ELL: variants seen among roughly 807,000 people sequenced by gnomAD.
ELL encodes the protein RNA polymerase II elongation factor ELL.
ELL carries 18 observed loss-of-function variants against 64.0 expected under a neutral mutation model. That is an observed-to-expected ratio of 0.28 (90% CI 0.19 to 0.42). ELL has a LOEUF of 0.42. Ranked by LOEUF, ELL falls within the 10% of genes least tolerant of loss-of-function variation. The probability of loss-of-function intolerance (pLI) is 1.00; values close to 1 mark genes in which losing one functional copy is unlikely to be tolerated. For missense variants in ELL, 797 were observed against 870.4 expected (o/e 0.92, Z 1.06); for synonymous variants, 399 against 376.2 (o/e 1.06, Z -0.70).
intron 1 of ELL, among the ~76,000 whole-genome samples, chr19:18,509,699 A>T (rs768639358): frequency 1.5e-4 from 23 of 150,334 alleles, no homozygotes; most frequent in Non-Finnish European, 3.2e-4. Context: ...TCCTGGAAGT[A>T]GGTGGATTCC....
At position 18,458,290 on chromosome 19, in the gene ELL, G is replaced by T; in HGVS notation, c.784C>A (p.Gln262Lys). 1 of 1,613,456 alleles carries T rather than the reference G, an allele frequency of 6.2e-7. No individual in the cohort carries two copies. The change falls in exon 6 of 12, where the codon CAG becomes AAG. Residue 262 changes from glutamine (Q) to lysine (K), a missense_variant. By Grantham distance (53) the Gln-to-Lys change is moderately conservative. Transcript: ENST00000262809. ...MSAKDGTCTLQDCMYKDVQKD... is the reference protein window; with the variant it reads ...MSAKDGTCTLKDCMYKDVQKD... ...TGCACATCCTTGTACATGCAGTCCT[G>T]CAGTGTACACGTGCCGTCCTTAGCA...
Position 18,444,568 on chromosome 19 carries a change from G to T in ELL, c.*184C>A. 1 of 589,612 alleles carries T rather than the reference G, an allele frequency of 1.7e-6. No homozygotes were observed. The highest frequency in any genetic ancestry group is 2.9e-6 in the Non-Finnish European group (1 of 340,926). The allele number at this position is 589,612 out of a possible 1,614,324, so 36.5% of individuals were successfully genotyped here. On this transcript the variant is annotated 3_prime_UTR_variant, in exon 12 of 12. Transcript: ENST00000262809. The stretch of plus-strand genomic sequence containing the variant: ...CATAAGCAGGGACTGCTCAGGAAGC[G>T]CAGGGAGGGCCGAGGTGGGCTTGCA...
At chr19:18,457,773 C>T (rs1197268587) in intron 6 of ELL, among the ~76,000 whole-genome samples, 1 of 152,192 alleles carries the variant, frequency 6.6e-6, no homozygotes, top group Non-Finnish European at 1.5e-5. Context: ...TGACGCCTGC[C>T]CTGCCGGGAG....
At chr19:18,466,507 C>G (rs1285527502) in intron 2 of ELL, among the ~76,000 whole-genome samples, 1 of 152,214 alleles carries the variant, frequency 6.6e-6, no homozygotes, top group Non-Finnish European at 1.5e-5. Context: ...CCCCAACAAG[C>G]CTGTCATGGG....
intron 5 of ELL, among the ~76,000 whole-genome samples, chr19:18,460,669 G>C (rs1042036791): frequency 6.6e-6 from 1 of 152,250 alleles, no homozygotes; most frequent in African/African-American, 2.4e-5. Context: ...AAACATGGAA[G>C]AACGTCCTTT....
chr19:18,509,579 A>ATGTGCGCGCG (rs1555739199), intron 1 of ELL, among the ~76,000 whole-genome samples: 3 of 132,496 alleles, frequency 2.3e-5, no homozygotes, highest in African/African-American at 9.0e-5. Flanking sequence ...AGGCCAATGC[A>ATGTGCGCGCG]CGTGCGCGCG....
chr19:18,509,582 T>TGTGCGCGCGCGCGC (rs1555739214), intron 1 of ELL, among the ~76,000 whole-genome samples: 40 of 95,548 alleles, frequency 4.2e-4, no homozygotes, highest in African/African-American at 1.7e-3. Context: ...CCAATGCACG[T>TGTGCGCGCGCGCGC]GCGCGCGCGC....
chr19:18,443,023 C>T lies in ELL; in HGVS notation c.*1729G>A, dbSNP rs1974326905. 4.3e-6 allele frequency: 1 copy of T among 232,260 alleles called. No individual in the cohort carries two copies. Among genetic ancestry groups the T allele is most frequent in the African/African-American group, 2.2e-5 (1 of 45,270 alleles). The allele number at this position is 232,260 out of a possible 1,614,324, so 14.4% of individuals were successfully genotyped here. A position where few individuals can be genotyped will look rare whatever the true frequency, so the allele number is the denominator to read the frequency against. On this transcript the variant is annotated 3_prime_UTR_variant, in exon 12 of 12. Transcript: ENST00000262809. ...AAAAACAACAACAACAACAAAAAGG[C>T]AAATTCAACTGACAGCCCCTTGGAC...
chr19:18,467,043 C>T (rs528769768), intron 2 of ELL, among the ~76,000 whole-genome samples: 20 of 152,308 alleles, frequency 1.3e-4, no homozygotes, highest in East Asian at 1.9e-4. Flanking sequence ...CACCAATCCC[C>T]GGCCCTGCTG....
intron 2 of ELL, among the ~76,000 whole-genome samples, chr19:18,470,018 A>G (rs1975031161): frequency 6.6e-6 from 1 of 152,242 alleles, no homozygotes; most frequent in Non-Finnish European, 1.5e-5. Flanking sequence ...CTAACAGCCC[A>G]CTAAAGTGAA....
chr19:18,494,591 G>A (rs1257449190), intron 1 of ELL, among the ~76,000 whole-genome samples: 11 of 152,054 alleles, frequency 7.2e-5, no homozygotes, highest in Non-Finnish European at 1.5e-4. Flanking sequence ...GGGTTTTGCC[G>A]TGTTGGCCAG....
intron 1 of ELL, among the ~76,000 whole-genome samples, chr19:18,481,139 G>T (rs1308709532): frequency 6.6e-6 from 1 of 152,142 alleles, no homozygotes; most frequent in Admixed American, 6.5e-5. Flanking sequence ...CCCACTTGGA[G>T]ACTGACCCTC....
intron 1 of ELL, among the ~76,000 whole-genome samples, chr19:18,521,580 C>T (rs1976277759): frequency 6.6e-6 from 1 of 152,070 alleles, no homozygotes; most frequent in African/African-American, 2.4e-5. Flanking sequence ...CGCCCCGCCG[C>T]CAGGTGCGCA....
chr19:18,494,855 C>T (rs1001539171), intron 1 of ELL, among the ~76,000 whole-genome samples: 3 of 152,222 alleles, frequency 2.0e-5, no homozygotes, highest in African/African-American at 7.2e-5. Context: ...GAGCTGGAGC[C>T]TCACCTTCCT....
intron 1 of ELL, among the ~76,000 whole-genome samples, chr19:18,508,111 C>T (rs1488421280): frequency 1.3e-5 from 2 of 152,228 alleles, no homozygotes; most frequent in Non-Finnish European, 2.9e-5. Flanking sequence ...AACCCAGGGA[C>T]TCCCATGCGG....
chr19:18,510,753 C>A (rs921392319), intron 1 of ELL, among the ~76,000 whole-genome samples: 1 of 152,190 alleles, frequency 6.6e-6, no homozygotes, highest in African/African-American at 2.4e-5. Flanking sequence ...CCCTTGTGCA[C>A]GGCTGGTGGG....
In ELL at chr19:18,444,595, C is replaced by A; in HGVS notation, c.*157G>T. The A allele has an allele frequency of 1.3e-6, 1 of 742,070 alleles. No individual in the cohort carries two copies. The highest frequency in any genetic ancestry group is 2.1e-6 in the Non-Finnish European group (1 of 472,756). The allele number at this position is 742,070 out of a possible 1,614,324, so 46.0% of individuals were successfully genotyped here. On this transcript the variant is annotated 3_prime_UTR_variant, in exon 12 of 12. Coordinates refer to ENST00000262809, the MANE Select transcript of ELL (RefSeq NM_006532.4). ...AGGGAGGGCCGAGGTGGGCTTGCAG[C>A]CACCCGCCAGGGCCAGACGTCTGCA... is the stretch of plus-strand genomic sequence containing the variant.
At chr19:18,493,367 T>TG (rs1474428489) in intron 1 of ELL, among the ~76,000 whole-genome samples, 1 of 152,214 alleles carries the variant, frequency 6.6e-6, no homozygotes, top group African/African-American at 2.4e-5. Context: ...CCCTGGGCCC[T>TG]GGGCAGCATA....
chr19:18,473,499 A>G (rs1975108230), intron 1 of ELL, among the ~76,000 whole-genome samples: 1 of 152,214 alleles, frequency 6.6e-6, no homozygotes, highest in Non-Finnish European at 1.5e-5. Context: ...TGAGGCCTGC[A>G]CAGCTCCACC....
Sources: gnomAD v4.1 joint callset for allele counts (sites outside exome capture counted in the v4.1 genomes callset) on GRCh38, gnomAD v4.1.1 for gene constraint, MANE v1.5 for transcripts, NCBI Gene and HGNC (gene_info 2026-07-23, HGNC 2026-07-21) for gene names.